SPHKAP: variants seen among roughly 807,000 people sequenced by gnomAD.
SPHKAP encodes the protein SPHK1 interactor, AKAP domain containing, also known as A-kinase anchor protein SPHKAP.
A neutral mutation model predicts 137.5 loss-of-function variants in SPHKAP; 67 were observed. The ratio of observed to expected loss-of-function variants is 0.49; its 90% confidence interval spans 0.40 to 0.60. The LOEUF is 0.60. Ranked by LOEUF, SPHKAP falls within the 20% of genes least tolerant of loss-of-function variation. SPHKAP has a pLI of 0.00. For synonymous variants in SPHKAP, 813 were observed against 785.3 expected, an observed-to-expected ratio of 1.04 and a Z score of -0.59; for missense variants, 2,097 against 2,069.3, an observed-to-expected ratio of 1.01 and a Z score of -0.26.
chr2:228,135,498 A>G (rs1699411038), intron 1 of SPHKAP, among the ~76,000 whole-genome samples: 1 of 152,162 alleles, frequency 6.6e-6, no homozygotes, highest in African/African-American at 2.4e-5. Flanking sequence ...ATGCACCCAA[A>G]AGTTTAAGAA....
At chr2:228,039,329 G>C (rs1695751895) in intron 3 of SPHKAP, among the ~76,000 whole-genome samples, 5 of 152,128 alleles carry the variant, frequency 3.3e-5, no homozygotes, top group African/African-American at 1.2e-4. Flanking sequence ...AAACATTGCA[G>C]GAATAAATGT....
chr2:227,982,051 A>AT (rs3082640), intron 11 of SPHKAP, 191 bp from the exon 12 acceptor site: 21,507 of 928,326 alleles, frequency 0.023, 35 homozygotes, highest in South Asian at 0.043. Flanking sequence ...CATCAAGTGA[A>AT]TTTTTTTTTT....
intron 11 of SPHKAP, among the ~76,000 whole-genome samples, chr2:227,989,209 A>C (rs1693323014): frequency 6.6e-6 from 1 of 152,222 alleles, no homozygotes; most frequent in African/African-American, 2.4e-5. Context: ...GCCCAAGGTC[A>C]TTTAACTTGA....
At chr2:228,027,876 G>A (rs1237129511) in intron 3 of SPHKAP, 6 of 335,842 alleles carry the variant, frequency 1.8e-5, no homozygotes, top group Non-Finnish European at 2.1e-5. Context: ...TGAGGCAGGA[G>A]AATTGCTTGA....
intron 1 of SPHKAP, among the ~76,000 whole-genome samples, chr2:228,179,291 G>A (rs1327648409): frequency 1.3e-5 from 2 of 152,006 alleles, no homozygotes; most frequent in African/African-American, 2.4e-5. Flanking sequence ...GATCATTGTT[G>A]GTTTCTTCGA....
chr2:227,981,655 C>A lies in SPHKAP; in HGVS notation c.*62G>T. 2 of 1,551,856 alleles carry A rather than the reference C, an allele frequency of 1.3e-6. No individual in the cohort carries two copies. Among genetic ancestry groups the A allele is most frequent in the East Asian group, 2.3e-5 (1 of 43,672 alleles). On this transcript the variant is annotated 3_prime_UTR_variant, in exon 12 of 12. Coordinates refer to ENST00000392056, the MANE Select transcript of SPHKAP (RefSeq NM_001142644.2). ...TTGAGAATGTTTAGAGCATTTAGAA[C>A]AAACCACTGTAATCTAAGTTGGAAT...
chr2:228,179,798 G>C (rs932114325), intron 1 of SPHKAP, among the ~76,000 whole-genome samples: 2 of 152,136 alleles, frequency 1.3e-5, no homozygotes, highest in Non-Finnish European at 2.9e-5. Context: ...TAAATTACTG[G>C]CACAATGTGT....
chr2:227,998,300 T>C (rs1317719797), intron 7 of SPHKAP, among the ~76,000 whole-genome samples: 1 of 152,172 alleles, frequency 6.6e-6, no homozygotes, highest in Non-Finnish European at 1.5e-5. Context: ...GCCCGGCCTT[T>C]AGGGTTAATA....
At chr2:228,004,984 A>T (rs1439082382) in intron 7 of SPHKAP, among the ~76,000 whole-genome samples, 1 of 150,840 alleles carries the variant, frequency 6.6e-6, no homozygotes, top group Non-Finnish European at 1.5e-5. Context: ...CAACTATGTG[A>T]ATTTTGGAAT....
intron 1 of SPHKAP, among the ~76,000 whole-genome samples, chr2:228,173,399 G>A (rs529817738): frequency 6.6e-6 from 1 of 152,200 alleles, no homozygotes; most frequent in Non-Finnish European, 1.5e-5. Flanking sequence ...GGTTCAAGAT[G>A]GAATTAAGTT....
chr2:228,174,429 T>G (rs1700679238), intron 1 of SPHKAP, among the ~76,000 whole-genome samples: 1 of 152,128 alleles, frequency 6.6e-6, no homozygotes, highest in Non-Finnish European at 1.5e-5. Flanking sequence ...GTACTGGCAT[T>G]AGAAAACTGA....
intron 3 of SPHKAP, among the ~76,000 whole-genome samples, chr2:228,050,229 T>C (rs1574800663): frequency 1.3e-5 from 2 of 152,262 alleles, no homozygotes; most frequent in African/African-American, 4.8e-5. Context: ...ACTTAGAAAC[T>C]GTTGATGGGA....
chr2:228,140,331 T>C (rs1699564890), intron 1 of SPHKAP, among the ~76,000 whole-genome samples: 1 of 152,122 alleles, frequency 6.6e-6, no homozygotes, highest in South Asian at 2.1e-4. Flanking sequence ...GACCGCATTC[T>C]GCTAAATCTA....
chr2:228,087,053 G>T (rs1392671679), intron 3 of SPHKAP, among the ~76,000 whole-genome samples: 1 of 152,112 alleles, frequency 6.6e-6, no homozygotes, highest in South Asian at 2.1e-4. Flanking sequence ...AAATAGTGAG[G>T]TCAAACATTC....
chr2:228,006,591 G>A (rs1045986659), intron 7 of SPHKAP, among the ~76,000 whole-genome samples: 14 of 152,160 alleles, frequency 9.2e-5, no homozygotes, highest in Admixed American at 2.0e-4. Context: ...GAGGAGGTGC[G>A]TTCCTTTGGA....
chr2:228,063,005 C>G (rs1206821365), intron 3 of SPHKAP, among the ~76,000 whole-genome samples: 2 of 152,102 alleles, frequency 1.3e-5, no homozygotes, highest in African/African-American at 4.8e-5. Context: ...ATTATGTGTT[C>G]TGAACAGAAA....
At chr2:228,154,941 G>A (rs928208508) in intron 1 of SPHKAP, among the ~76,000 whole-genome samples, 4 of 151,774 alleles carry the variant, frequency 2.6e-5, no homozygotes, top group African/African-American at 4.8e-5. Context: ...TTAAAAAATG[G>A]TATAGCAACA....
intron 3 of SPHKAP, among the ~76,000 whole-genome samples, chr2:228,028,950 A>G (rs997426018): frequency 6.6e-6 from 1 of 151,968 alleles, no homozygotes; most frequent in African/African-American, 2.4e-5. Context: ...TTGAAAGATA[A>G]AAAGACTTTT....
Position 228,021,703 on chromosome 2 carries a change from G to A in SPHKAP, c.697+8C>T. 6.2e-7 allele frequency: 1 copy of A among 1,603,848 alleles called. No individual in the cohort carries two copies. The highest frequency in any genetic ancestry group is 8.5e-7 in the Non-Finnish European group (1 of 1,175,742). On this transcript the variant is annotated splice_region_variant and intron_variant, in intron 6 of 11. Transcript: ENST00000392056. ...AATTTCAGGAGGCACTAATTGGAAAGTTCTCACCGTTCCTAGATTCATCCA... is the reference window on the plus strand; with the variant it reads ...AATTTCAGGAGGCACTAATTGGAAAATTCTCACCGTTCCTAGATTCATCCA...
Sources: gnomAD v4.1 joint callset for allele counts (sites outside exome capture counted in the v4.1 genomes callset) on GRCh38, gnomAD v4.1.1 for gene constraint, MANE v1.5 for transcripts, NCBI Gene and HGNC (gene_info 2026-07-23, HGNC 2026-07-21) for gene names.